The following DNAH14 variants were observed in gnomAD, a reference collection of about 807,000 sequenced individuals.
The protein encoded by DNAH14 is axonemal beta dynein heavy chain 14.
A neutral mutation model predicts 520.9 loss-of-function variants in DNAH14; 478 were observed. That is an observed-to-expected ratio of 0.92 (90% confidence interval 0.85 to 0.99). The LOEUF is 0.99. DNAH14 is among the 50% of genes least tolerant of loss of function. The pLI, the probability that DNAH14 is intolerant of heterozygous loss-of-function variation, is 0.00. For missense variants in DNAH14, 4,831 were observed against 5,234.5 expected, an observed-to-expected ratio of 0.92 and a Z score of 2.38; for synonymous variants, 1,581 against 1,757.2, an observed-to-expected ratio of 0.90 and a Z score of 2.51.
chr1:225,218,776 C>T (rs558958520), intron 41 of DNAH14, among the ~76,000 whole-genome samples: 26 of 152,258 alleles, frequency 1.7e-4, no homozygotes, highest in African/African-American at 6.0e-4. Context: ...CAAGGATATC[C>T]AGGACTTGAA....
chr1:225,104,689 T>C (rs2075854480), intron 23 of DNAH14, among the ~76,000 whole-genome samples: 1 of 152,220 alleles, frequency 6.6e-6, no homozygotes, highest in African/African-American at 2.4e-5. Context: ...GTTGATAGTA[T>C]TCTCTGATGG....
Position 225,090,180 on chromosome 1 carries a change from T to C in DNAH14, c.3573+4391T>C, listed in dbSNP as rs116251453. ...TGAGAAATAGCATAAAAATAAGATA[T>C]ATAAACCTGAGAAAAATGTATAAGA... On this transcript the variant is annotated intron_variant, in intron 21 of 85. Coordinates refer to ENST00000682510, the MANE Select transcript of DNAH14 (RefSeq NM_001367479.1). 5.0e-3 allele frequency among the ~76,000 whole-genome samples: 761 copies of C among 152,166 alleles called. 6 individuals are homozygous for C. Among genetic ancestry groups the C allele is most frequent in the African/African-American group, 0.017 (718 of 41,532 alleles).
chr1:225,212,823 G>C (rs2088643744), intron 41 of DNAH14, among the ~76,000 whole-genome samples: 1 of 151,990 alleles, frequency 6.6e-6, no homozygotes, highest in African/African-American at 2.4e-5. Context: ...TTGTCAGAAG[G>C]GTAGATTGTA....
In DNAH14 at chr1:225,123,610, C is replaced by T. The variant is rs76946626; in HGVS notation, c.4250C>T (p.Thr1417Ile). Residue 1417 changes from threonine to isoleucine, a missense_variant, in exon 27 of 86, where the codon ACT becomes ATT. Thr to Ile is a moderately conservative substitution (Grantham distance 89). Transcript: ENST00000682510. The part of the protein sequence containing the change: ...VLSHPGQVVL[T>I]VSQIMFYNDC... ...TCTCATCCAGGACAAGTGGTACTTA[C>T]TGTGGTAAGTTAATGCTGCTTTGAT... 24,988 of 415,518 alleles carry T rather than the reference C, an allele frequency of 0.06. 988 individuals are homozygous for T. Among genetic ancestry groups the T allele is most frequent in the Non-Finnish European group, 0.076 (15,074 of 197,864 alleles). 25.7% of individuals were successfully genotyped at this position (415,518 alleles called of 1,614,324 possible). A position where few individuals can be genotyped will look rare whatever the true frequency, so the allele number is the denominator to read the frequency against.
intron 46 of DNAH14, among the ~76,000 whole-genome samples, chr1:225,263,280 T>TATATACATGTATATATACGTATA (rs1558194294): frequency 2.6e-5 from 4 of 151,490 alleles, no homozygotes; most frequent in African/African-American, 9.7e-5. Context: ...CTTGGATATC[T>TATATACATGTATATATACGTATA]TATAAACATT....
intron 17 of DNAH14, among the ~76,000 whole-genome samples, chr1:225,057,140 G>A (rs1020219519): frequency 3.3e-5 from 5 of 152,142 alleles, no homozygotes; most frequent in Admixed American, 1.3e-4. Flanking sequence ...CCATTTGCAC[G>A]ATATTGATTC....
intron 15 of DNAH14, among the ~76,000 whole-genome samples, chr1:225,049,216 C>T (rs1028147394): frequency 1.3e-5 from 2 of 151,862 alleles, no homozygotes; most frequent in African/African-American, 4.8e-5. Context: ...CCCACCACCA[C>T]GCCCAGCTAA....
chr1:225,214,463 G>T (rs1037187166), intron 41 of DNAH14, among the ~76,000 whole-genome samples: 1 of 152,128 alleles, frequency 6.6e-6, no homozygotes, highest in African/African-American at 2.4e-5. Context: ...CTACTGATTG[G>T]AATAGTTCAG....
At chr1:225,047,848 G>A (rs1019042966) in intron 15 of DNAH14, among the ~76,000 whole-genome samples, 2 of 152,174 alleles carry the variant, frequency 1.3e-5, no homozygotes, top group African/African-American at 2.4e-5. Context: ...ATGAGGTTAT[G>A]TAGTTTGTAA....
chr1:225,147,542 A>T (rs1269371386), intron 31 of DNAH14, among the ~76,000 whole-genome samples: 4 of 151,940 alleles, frequency 2.6e-5, no homozygotes, highest in Non-Finnish European at 5.9e-5. Context: ...ATATATTTTA[A>T]TTTTTTTTCA....
chr1:225,370,192 G>A (rs987092773), intron 77 of DNAH14, among the ~76,000 whole-genome samples: 1 of 152,184 alleles, frequency 6.6e-6, no homozygotes, highest in Admixed American at 6.5e-5. Context: ...GGAGGCAGGA[G>A]AGTTGCTTGA....
intron 8 of DNAH14, among the ~76,000 whole-genome samples, chr1:224,999,610 C>T (rs2063617279): frequency 6.6e-6 from 1 of 151,938 alleles, no homozygotes; most frequent in African/African-American, 2.4e-5. Context: ...AAGTTGTAAG[C>T]CATTTTTTTT....
chr1:225,326,797 C>T (rs75927391), intron 64 of DNAH14, among the ~76,000 whole-genome samples: 1,971 of 151,760 alleles, frequency 0.013, 41 homozygotes, highest in African/African-American at 0.044. Context: ...ATTTAAAAAC[C>T]TGAAGGATAT....
At chr1:225,291,717 C>A (rs1298821534) in intron 55 of DNAH14, among the ~76,000 whole-genome samples, 1 of 152,122 alleles carries the variant, frequency 6.6e-6, no homozygotes, top group African/African-American at 2.4e-5. Flanking sequence ...TTCCCTTTCT[C>A]CACATCTTCA....
At chr1:224,984,323 A>G (rs1290017748) in intron 8 of DNAH14, among the ~76,000 whole-genome samples, 1 of 152,196 alleles carries the variant, frequency 6.6e-6, no homozygotes, top group African/African-American at 2.4e-5. Context: ...TGGTGCTGGG[A>G]TAATTGGCTA....
chr1:225,034,533 G>A (rs1226136949), intron 11 of DNAH14, among the ~76,000 whole-genome samples: 2 of 151,484 alleles, frequency 1.3e-5, no homozygotes, highest in Non-Finnish European at 1.5e-5. Context: ...GTGTGTGTGT[G>A]TGTGTGTGTG....
At chr1:224,975,371 T>C (rs1384638882) in intron 8 of DNAH14, among the ~76,000 whole-genome samples, 8 of 149,880 alleles carry the variant, frequency 5.3e-5, no homozygotes, top group Non-Finnish European at 1.0e-4. Flanking sequence ...TCTTTTTGGT[T>C]GGTAAGCTAT....
rs1275861261 is a variant in DNAH14 at position 225,290,692 on chromosome 1, T to TA, written c.8469+611dup. 2.1e-4 allele frequency among the ~76,000 whole-genome samples: 25 copies of TA among 120,746 alleles called. 1 individual carries two copies. The East Asian group carries it at 6.0e-3, about 29-fold the overall frequency. 79.2% of individuals were successfully genotyped at this position (120,746 alleles called of 152,430 possible). A position where few individuals can be genotyped will look rare whatever the true frequency, so the allele number is the denominator to read the frequency against. ...ATATATATATATATATATATATATA[T>TA]ATTTCCTCCAAGTCTGTGGCTTGTC... On this transcript the variant is annotated intron_variant, in intron 55 of 85. Coordinates refer to ENST00000682510, the MANE Select transcript of DNAH14 (RefSeq NM_001367479.1).
In DNAH14 at chr1:225,099,368, G is replaced by C. The variant is rs531832305; in HGVS notation, c.3696-1345G>C. The stretch of plus-strand genomic sequence containing the variant: ...GCAAGGAAGAAGTGCAGGAATACAT[G>C]GTTATCTTAGACCAGTGATTTTCAA... On this transcript the variant is annotated intron_variant, in intron 22 of 85. Transcript: ENST00000682510. 6.6e-5 allele frequency among the ~76,000 whole-genome samples: 10 copies of C among 152,046 alleles called. 1 individual carries two copies. The highest frequency in any genetic ancestry group is 3.2e-3 in the Middle Eastern group (1 of 316).
Sources: gnomAD v4.1 joint callset for allele counts (sites outside exome capture counted in the v4.1 genomes callset) on GRCh38, gnomAD v4.1.1 for gene constraint, MANE v1.5 for transcripts, NCBI Gene and HGNC (gene_info 2026-07-23, HGNC 2026-07-21) for gene names.